Variants in HAPLN1 observed in about 807,000 individuals in gnomAD.
HAPLN1 encodes Cartilage link protein.
Under a neutral mutation model 36.5 loss-of-function variants are expected in HAPLN1, and 13 were observed. The observed-to-expected ratio is 0.36, with a 90% CI of 0.23 to 0.57. HAPLN1 has a LOEUF of 0.57. Ranked by LOEUF, HAPLN1 falls within the 20% of genes least tolerant of loss-of-function variation. HAPLN1 has a pLI of 0.83. For missense variants in HAPLN1, 407 were observed against 439.7 expected, an observed-to-expected ratio of 0.93 and a Z score of 0.66; for synonymous variants, 202 against 169.8, an observed-to-expected ratio of 1.19 and a Z score of -1.48.
chr5:83,649,367 C>T (rs1162931876), intron 3 of HAPLN1, among the ~76,000 whole-genome samples: 1 of 152,018 alleles, frequency 6.6e-6, no homozygotes, highest in Non-Finnish European at 1.5e-5. Flanking sequence ...TCTATGATGC[C>T]CTCTCTCCTG....
intron 1 of HAPLN1, among the ~76,000 whole-genome samples, chr5:83,688,639 ATTCTTTTTTTTT>A (rs1295819167): frequency 8.4e-5 from 3 of 35,672 alleles, no homozygotes; most frequent in African/African-American, 3.9e-4. Flanking sequence ...GCAGCTTTTG[ATTCTTTTTTTTT>A]TTTTTTTTTT....
chr5:83,648,139 T>C (rs1749928786), intron 3 of HAPLN1, among the ~76,000 whole-genome samples: 2 of 151,982 alleles, frequency 1.3e-5, no homozygotes, highest in Admixed American at 1.3e-4. Flanking sequence ...TGTATAAAGC[T>C]TGTTGCTTGT....
chr5:83,646,857 A>C (rs1217033737), intron 3 of HAPLN1, among the ~76,000 whole-genome samples: 1 of 152,196 alleles, frequency 6.6e-6, no homozygotes, highest in Non-Finnish European at 1.5e-5. Flanking sequence ...AGTGCTGATG[A>C]AAAGGAAAAT....
intron 3 of HAPLN1, chr5:83,652,038 C>T (rs1020620474): frequency 1.1e-5 from 2 of 175,812 alleles, no homozygotes; most frequent in Non-Finnish European, 2.4e-5. Flanking sequence ...AATACAATTA[C>T]ATATATTTTA....
At chr5:83,703,557 A>G (rs567100578) in intron 1 of HAPLN1, 2 of 152,284 alleles carry the variant, frequency 1.3e-5, no homozygotes, top group African/African-American at 4.8e-5. Flanking sequence ...AAGTATTATC[A>G]GCATGATAGA....
At chr5:83,682,292 T>C (rs879616132) in intron 1 of HAPLN1, 4 of 152,154 alleles carry the variant, frequency 2.6e-5, no homozygotes, top group Admixed American at 1.3e-4. Context: ...CATTCTAAAG[T>C]AGTTAATGAA....
At chr5:83,711,497 G>A (rs905592330) in intron 1 of HAPLN1, among the ~76,000 whole-genome samples, 2 of 152,114 alleles carry the variant, frequency 1.3e-5, no homozygotes, top group African/African-American at 2.4e-5. Context: ...GAGAACGCTG[G>A]CAAGCATGAT....
chr5:83,690,007 T>C (rs187449108), intron 1 of HAPLN1, among the ~76,000 whole-genome samples: 5 of 152,228 alleles, frequency 3.3e-5, no homozygotes, highest in Non-Finnish European at 5.9e-5. Context: ...ATTTACAGTA[T>C]TATTAGTGCA....
chr5:83,708,733 TAGA>T (rs1330850151), intron 1 of HAPLN1, among the ~76,000 whole-genome samples: 1 of 152,192 alleles, frequency 6.6e-6, no homozygotes, highest in African/African-American at 2.4e-5. Context: ...GATTCTAAAT[TAGA>T]ATAAGTATTT....
chr5:83,681,512 AT>A (rs1750997987), intron 1 of HAPLN1, among the ~76,000 whole-genome samples: 1 of 151,950 alleles, frequency 6.6e-6, no homozygotes, highest in Non-Finnish European at 1.5e-5. Flanking sequence ...TAATTAATTA[AT>A]TAATGAATTT....
rs766847999 is a variant in HAPLN1 at position 83,707,643 on chromosome 5, C to T, written c.-27+13146G>A. ...AACTGTAAAAACCCTGGAAGATAAT[C>T]GAGGCAATACCATCCTGGAAACAGG... On this transcript the variant is annotated intron_variant, in intron 1 of 4. Transcript: ENST00000274341. Among the ~76,000 whole-genome samples the T allele has an allele frequency of 3.9e-5, 6 of 152,222 alleles. No individual in the cohort carries two copies. The South Asian group carries it at 6.2e-4, about 16-fold the overall frequency.
At chr5:83,684,287 C>T (rs1176770625) in intron 1 of HAPLN1, among the ~76,000 whole-genome samples, 14 of 152,076 alleles carry the variant, frequency 9.2e-5, no homozygotes, top group Admixed American at 9.2e-4. Context: ...GAGAATCCAC[C>T]TTACACCAGG....
chr5:83,700,193 CAAAAAAAAAAA>C (rs58457969), intron 1 of HAPLN1, among the ~76,000 whole-genome samples: 1 of 99,258 alleles, frequency 1.0e-5, no homozygotes, highest in Non-Finnish European at 2.0e-5. Flanking sequence ...GACTCCATCT[CAAAAAAAAAAA>C]AAAAAAAAAG....
chr5:83,671,775 C>G (rs1347412661), intron 2 of HAPLN1, among the ~76,000 whole-genome samples: 1 of 152,202 alleles, frequency 6.6e-6, no homozygotes, highest in African/African-American at 2.4e-5. Context: ...AGTTCTATTA[C>G]TTGAAAGCTC....
chr5:83,712,286 A>T (rs1051091656), intron 1 of HAPLN1, among the ~76,000 whole-genome samples: 9 of 151,854 alleles, frequency 5.9e-5, no homozygotes, highest in South Asian at 2.1e-4. Context: ...TATTATATAT[A>T]TTTTTTTCTG....
intron 2 of HAPLN1, among the ~76,000 whole-genome samples, chr5:83,672,624 T>C (rs895292796): frequency 1.3e-5 from 2 of 152,252 alleles, no homozygotes; most frequent in Admixed American, 6.5e-5. Context: ...ACCTTGAAGA[T>C]GTAACTTAGA....
rs889897957 is a variant in HAPLN1 at position 83,640,449 on chromosome 5, G to A, written c.*1047C>T. The A allele has an allele frequency of 2.6e-5, 4 of 151,964 alleles. No individual in the cohort carries two copies. The highest frequency in any genetic ancestry group is 5.9e-5 in the Non-Finnish European group (4 of 67,984). 9.4% of individuals were successfully genotyped at this position (151,964 alleles called of 1,614,324 possible). On this transcript the variant is annotated 3_prime_UTR_variant, in exon 5 of 5. Coordinates refer to ENST00000274341, the MANE Select transcript of HAPLN1 (RefSeq NM_001884.4). ...ACACAGGCACTGGTTGGGTTCTCTC[G>A]TGTATATACAAATAGGAATAATAAG... is the stretch of plus-strand genomic sequence containing the variant.
At chr5:83,684,909 T>C (rs989193533) in intron 1 of HAPLN1, among the ~76,000 whole-genome samples, 1 of 152,140 alleles carries the variant, frequency 6.6e-6, no homozygotes, top group Non-Finnish European at 1.5e-5. Context: ...CATACTCTGT[T>C]TACTAGGGAA....
chr5:83,679,815 C>T (rs1750957051), intron 1 of HAPLN1, among the ~76,000 whole-genome samples: 2 of 152,146 alleles, frequency 1.3e-5, no homozygotes, highest in Admixed American at 1.3e-4. Context: ...GATTCAACTG[C>T]TTTAGGGTCA....
Sources: allele counts gnomAD v4.1 joint callset (sites outside exome capture counted in the v4.1 genomes callset), GRCh38; gene constraint gnomAD v4.1.1; transcripts MANE v1.5; gene names NCBI Gene and HGNC (gene_info 2026-07-23, HGNC 2026-07-21).